Variants in PXDNL observed in about 807,000 individuals in gnomAD.
The protein encoded by PXDNL is probable oxidoreductase PXDNL.
Under a neutral mutation model 150.8 loss-of-function variants are expected in PXDNL, and 145 were observed. That is an observed-to-expected ratio of 0.96 (90% CI 0.84 to 1.10). PXDNL has a LOEUF of 1.10. PXDNL is among the 50% of genes least tolerant of loss of function. The pLI is 0.00. For missense variants in PXDNL, 2,087 were observed against 1,873.9 expected, an observed-to-expected ratio of 1.11 and a Z score of -2.10; for synonymous variants, 757 against 725.7, an observed-to-expected ratio of 1.04 and a Z score of -0.69.
At chr8:51,781,723 G>T (rs2037416977) in intron 1 of PXDNL, among the ~76,000 whole-genome samples, 1 of 152,188 alleles carries the variant, frequency 6.6e-6, no homozygotes, top group Admixed American at 6.5e-5. Flanking sequence ...GGGTGGTCCA[G>T]CCTGGCAAGA....
At position 51,408,286 on chromosome 8, in the gene PXDNL, G is replaced by A; in HGVS notation, c.3338C>T (p.Ala1113Val). The change falls in exon 17 of 23, where the codon GCA becomes GTA. Residue 1113 changes from alanine (A) to valine (V), a missense_variant. Transcript: ENST00000356297. ...GLFGVAAKWR[A>V]PSYLLSPELT... ...CTCAGGACTGAGAAGGTAGGAGGGT[G>A]CCCGCCATTTAGCAGCCACGCCAAA... 6.2e-7 allele frequency: 1 copy of A among 1,613,900 alleles called. No homozygotes were observed. The highest frequency in any genetic ancestry group is 8.5e-7 in the Non-Finnish European group (1 of 1,179,850).
chr8:51,753,841 T>C (rs1343732224), intron 1 of PXDNL, among the ~76,000 whole-genome samples: 1 of 152,230 alleles, frequency 6.6e-6, no homozygotes, highest in Non-Finnish European at 1.5e-5. Flanking sequence ...CTCAGAGATA[T>C]TGACCCACAG....
intron 4 of PXDNL, among the ~76,000 whole-genome samples, chr8:51,526,176 G>A (rs191984548): frequency 1.3e-5 from 2 of 152,262 alleles, no homozygotes; most frequent in East Asian, 1.9e-4. Context: ...ACAGGTGGAC[G>A]CATTCTTGGT....
chr8:51,588,619 AC>A (rs2130647032), intron 3 of PXDNL, among the ~76,000 whole-genome samples: 1 of 152,342 alleles, frequency 6.6e-6, no homozygotes, highest in Admixed American at 6.5e-5. Flanking sequence ...CTGTCATTTT[AC>A]TTATTTCCTC....
chr8:51,678,840 A>C (rs958915639), intron 1 of PXDNL, among the ~76,000 whole-genome samples: 1 of 152,222 alleles, frequency 6.6e-6, no homozygotes, highest in Admixed American at 6.5e-5. Context: ...CACATTGTGC[A>C]CATGTACCCT....
chr8:51,504,217 C>CA (rs1275366556), intron 4 of PXDNL, among the ~76,000 whole-genome samples: 3 of 152,232 alleles, frequency 2.0e-5, no homozygotes, highest in African/African-American at 7.2e-5. Context: ...GGTCTGCCTA[C>CA]ATCTATCTGG....
intron 10 of PXDNL, among the ~76,000 whole-genome samples, chr8:51,450,032 G>A (rs1022347942): frequency 6.6e-6 from 1 of 152,316 alleles, no homozygotes; most frequent in East Asian, 1.9e-4. Context: ...GCTAAACATG[G>A]GGTGGATTAT....
chr8:51,674,543 C>T (rs1815565702), intron 1 of PXDNL, among the ~76,000 whole-genome samples: 1 of 152,180 alleles, frequency 6.6e-6, no homozygotes, highest in African/African-American at 2.4e-5. Flanking sequence ...GTTATAAGTT[C>T]TCTAGGGAAA....
chr8:51,486,835 A>C lies in PXDNL; in HGVS notation c.453-3121T>G, dbSNP rs1313606107. On this transcript the variant is annotated intron_variant, in intron 5 of 22. Transcript: ENST00000356297. Reference sequence around the variant, plus strand: ...TTTTTTTTTTTTGAGACGGAGTCTCACTCTTGCCAGGCTGCAGTGCAGTGG... The same window carrying C: ...TTTTTTTTTTTTGAGACGGAGTCTCCCTCTTGCCAGGCTGCAGTGCAGTGG... Among the ~76,000 whole-genome samples the C allele has an allele frequency of 1.7e-4, 18 of 104,862 alleles. 1 individual carries two copies. The highest frequency in any genetic ancestry group is 2.3e-4 in the African/African-American group (6 of 26,536). The allele number at this position is 104,862 out of a possible 152,430, so 68.8% of individuals were successfully genotyped here.
intron 1 of PXDNL, among the ~76,000 whole-genome samples, chr8:51,738,007 G>T (rs565541435): frequency 1.3e-5 from 2 of 152,262 alleles, no homozygotes; most frequent in South Asian, 4.1e-4. Flanking sequence ...CAGATGACTG[G>T]AACCACAAAC....
At position 51,557,204 on chromosome 8, in the gene PXDNL, T is replaced by C. The variant is rs1459184624; in HGVS notation, c.309-293A>G. On this transcript the variant is annotated intron_variant, in intron 3 of 22. Coordinates refer to ENST00000356297, the MANE Select transcript of PXDNL (RefSeq NM_144651.5). ...CATATATACTGAGTAACAACTTCTC[T>C]AAGAAAAATATGTTTGACTATAAAC... Among the ~76,000 whole-genome samples, 4 of 152,190 alleles carry C rather than the reference T, an allele frequency of 2.6e-5. No individual in the cohort carries two copies. The South Asian group carries it at 6.2e-4, about 24-fold the overall frequency.
At chr8:51,495,016 C>A (rs1489577850) in intron 5 of PXDNL, among the ~76,000 whole-genome samples, 4 of 152,126 alleles carry the variant, frequency 2.6e-5, no homozygotes, top group South Asian at 4.1e-4. Context: ...CCAAAATTGA[C>A]CACATAGTTG....
intron 2 of PXDNL, among the ~76,000 whole-genome samples, chr8:51,595,278 A>G (rs1457255252): frequency 6.6e-6 from 1 of 152,174 alleles, no homozygotes; most frequent in Non-Finnish European, 1.5e-5. Flanking sequence ...AGAAATGTAT[A>G]CTGTGTGGTT....
chr8:51,341,656 C>T (rs1805987471), intron 20 of PXDNL, among the ~76,000 whole-genome samples: 1 of 152,178 alleles, frequency 6.6e-6, no homozygotes, highest in Non-Finnish European at 1.5e-5. Flanking sequence ...CCATTCTATT[C>T]TCTGCCACTA....
In PXDNL at chr8:51,408,330, G is replaced by T. The variant is rs775199881; in HGVS notation, c.3294C>A (p.Asp1098Glu). 2 of 1,614,028 alleles carry T rather than the reference G, an allele frequency of 1.2e-6. No homozygotes were observed. The highest frequency in any genetic ancestry group is 1.7e-5 in the Admixed American group (1 of 60,030). The change falls in exon 17 of 23, where the codon GAC (aspartate) becomes GAA (glutamate). Residue 1098 changes from aspartate to glutamate, a missense_variant. Asp to Glu is a conservative substitution (Grantham distance 45). Coordinates refer to ENST00000356297, the MANE Select transcript of PXDNL (RefSeq NM_144651.5). ...PSRIIKEGGI[D>E]PVLRGLFGVA... ...CGCCAAACAGCCCCCGGAGAACCGG[G>T]TCTATCCCACCTTCCTTGATTATTC...
At chr8:51,349,948 CAAACTTACA>C (rs1386000791) in intron 19 of PXDNL, among the ~76,000 whole-genome samples, 2 of 152,022 alleles carry the variant, frequency 1.3e-5, no homozygotes, top group South Asian at 4.1e-4. Context: ...TAACTGAAAG[CAAACTTACA>C]AAACTGACAA....
chr8:51,418,421 T>C (rs992319079), intron 14 of PXDNL, among the ~76,000 whole-genome samples: 11 of 152,182 alleles, frequency 7.2e-5, no homozygotes, highest in South Asian at 4.1e-4. Flanking sequence ...TGAATAAATA[T>C]AACTAATGAA....
At chr8:51,361,960 A>AAAAAAAAAAAAAAAAAG (rs1563374211) in intron 19 of PXDNL, among the ~76,000 whole-genome samples, 2 of 148,896 alleles carry the variant, frequency 1.3e-5, no homozygotes, top group African/African-American at 5.0e-5. Context: ...AAAAAAAAAA[A>AAAAAAAAAAAAAAAAAG]AAAAAGAAAA....
At chr8:51,502,601 C>G (rs1011492504) in intron 4 of PXDNL, among the ~76,000 whole-genome samples, 3 of 152,110 alleles carry the variant, frequency 2.0e-5, no homozygotes, top group African/African-American at 7.2e-5. Flanking sequence ...TGTGGTTTAG[C>G]CAACCTAACA....
Sources: allele counts gnomAD v4.1 joint callset (sites outside exome capture counted in the v4.1 genomes callset), GRCh38; gene constraint gnomAD v4.1.1; transcripts MANE v1.5; gene names NCBI Gene and HGNC (gene_info 2026-07-23, HGNC 2026-07-21).